LIPI: variants seen among roughly 807,000 people sequenced by gnomAD.
LIPI encodes lipase I, also known as lipase member I.
LIPI carries 59 observed loss-of-function variants against 50.6 expected under a neutral mutation model. The ratio of observed to expected loss-of-function variants is 1.16; its 90% CI spans 0.94 to 1.45. The LOEUF is 1.45. Among genes scored for constraint, LIPI ranks in the 40% most tolerant of loss-of-function variants. LIPI has a pLI of 0.00. For missense variants in LIPI, 586 were observed against 536.3 expected, an observed-to-expected ratio of 1.09 and a Z score of -0.92; for synonymous variants, 203 against 178.2, an observed-to-expected ratio of 1.14 and a Z score of -1.11.
chr21:14,117,016 C>T (rs563296028), intron 9 of LIPI, among the ~76,000 whole-genome samples: 17 of 152,068 alleles, frequency 1.1e-4, no homozygotes, highest in Non-Finnish European at 2.2e-4. Flanking sequence ...GAGAGTACCC[C>T]CCAAACTTCA....
chr21:14,183,037 A>G (rs1344001447), intron 3 of LIPI, among the ~76,000 whole-genome samples: 1 of 152,170 alleles, frequency 6.6e-6, no homozygotes, highest in East Asian at 1.9e-4. Flanking sequence ...AGCCAAAAGA[A>G]CAAAGCTGGA....
intron 4 of LIPI, among the ~76,000 whole-genome samples, chr21:14,175,141 C>T (rs2019050546): frequency 6.6e-6 from 1 of 152,058 alleles, no homozygotes; most frequent in Non-Finnish European, 1.5e-5. Context: ...AAACTATGAA[C>T]ATTTTGAACA....
Position 14,165,264 on chromosome 21 carries a change from A to C in LIPI, c.860T>G (p.Val287Gly). 1 of 1,613,038 alleles carries C rather than the reference A, an allele frequency of 6.2e-7. No homozygotes were observed. The highest frequency in any genetic ancestry group is 8.5e-7 in the Non-Finnish European group (1 of 1,179,200). Residue 287 changes from valine (V) to glycine (G), a missense_variant, in exon 6 of 10, where the codon GTG becomes GGG. Coordinates refer to ENST00000681601, the MANE Select transcript of LIPI (RefSeq NM_001302998.2). ...SYKDYKTSLC[V>G]DCDCFKEKSC... ...TTTTTCCTTAAAACAGTCACAGTCC[A>C]CACATAAGCTAGTCTTGTAATCTTT...
At chr21:14,110,251 A>T (rs137941409) in intron 9 of LIPI, among the ~76,000 whole-genome samples, 109 of 151,900 alleles carry the variant, frequency 7.2e-4, no homozygotes, top group African/African-American at 2.5e-3. Flanking sequence ...AATCTCCCTA[A>T]GGCTTTTGCT....
intron 9 of LIPI, among the ~76,000 whole-genome samples, chr21:14,142,486 T>TA (rs2017747211): frequency 6.9e-6 from 1 of 145,844 alleles, no homozygotes; most frequent in Non-Finnish European, 1.5e-5. Flanking sequence ...TATATATATA[T>TA]TTTGTTGTTG....
chr21:14,109,824 C>G (rs1327732973), intron 9 of LIPI, among the ~76,000 whole-genome samples: 1 of 151,322 alleles, frequency 6.6e-6, no homozygotes, highest in African/African-American at 2.4e-5. Context: ...TTTACCAAAG[C>G]CTTTGAGAAA....
At chr21:14,201,775 C>A (rs1211035392) in intron 1 of LIPI, among the ~76,000 whole-genome samples, 1 of 152,126 alleles carries the variant, frequency 6.6e-6, no homozygotes, top group Admixed American at 6.6e-5. Context: ...AAAACTGGCA[C>A]AAGACAGGGA....
chr21:14,208,135 A>G (rs913859756), intron 1 of LIPI, among the ~76,000 whole-genome samples: 6 of 152,196 alleles, frequency 3.9e-5, no homozygotes, highest in Admixed American at 1.3e-4. Flanking sequence ...AGAGAAAAAT[A>G]ATGATTTTGT....
chr21:14,206,738 C>A, intron 1 of LIPI: 1 of 847,584 alleles, frequency 1.2e-6, no homozygotes, highest in Non-Finnish European at 1.9e-6. Flanking sequence ...CACTTCATGG[C>A]AAGCCCAGTG....
chr21:14,152,028 A>AAG (rs1441275434), intron 8 of LIPI, among the ~76,000 whole-genome samples: 4 of 151,934 alleles, frequency 2.6e-5, no homozygotes, highest in Non-Finnish European at 4.4e-5. Context: ...TGAGAGTCAT[A>AAG]AGAGAGAGAA....
intron 4 of LIPI, among the ~76,000 whole-genome samples, chr21:14,180,054 A>G (rs2019220439): frequency 6.6e-6 from 1 of 152,014 alleles, no homozygotes; most frequent in South Asian, 2.1e-4. Flanking sequence ...CATTCCTGGG[A>G]GGAGATCTAT....
chr21:14,173,064 T>C (rs936468404), intron 4 of LIPI, among the ~76,000 whole-genome samples: 1 of 152,104 alleles, frequency 6.6e-6, no homozygotes, highest in Non-Finnish European at 1.5e-5. Context: ...GTTTAAGTTA[T>C]TTGGTTTAGG....
intron 1 of LIPI, among the ~76,000 whole-genome samples, chr21:14,201,471 A>G (rs938452296): frequency 6.6e-6 from 1 of 152,056 alleles, no homozygotes; most frequent in Admixed American, 6.6e-5. Flanking sequence ...TGAGCACATC[A>G]AGAAGCTTAT....
At chr21:14,143,289 C>T (rs551482716) in intron 9 of LIPI, among the ~76,000 whole-genome samples, 11 of 151,986 alleles carry the variant, frequency 7.2e-5, no homozygotes, top group Non-Finnish European at 8.8e-5. Flanking sequence ...ATGTTCCTGC[C>T]GAAAATGTTC....
At chr21:14,201,066 A>T (rs2123332146) in intron 1 of LIPI, among the ~76,000 whole-genome samples, 1 of 152,196 alleles carries the variant, frequency 6.6e-6, no homozygotes, top group East Asian at 1.9e-4. Context: ...TATGAAGAAG[A>T]TTGAAACTGG....
Position 14,186,183 on chromosome 21 carries a change from TGGGGATATCG to T in LIPI, c.433-124_433-115del. 5 of 723,552 alleles carry T rather than the reference TGGGGATATCG, an allele frequency of 6.9e-6. No individual in the cohort carries two copies. The South Asian group carries it at 7.6e-5, about 11-fold the overall frequency. The allele number at this position is 723,552 out of a possible 1,614,324, so 44.8% of individuals were successfully genotyped here. On this transcript the variant is annotated intron_variant, in intron 2 of 9. Coordinates refer to ENST00000681601, the MANE Select transcript of LIPI (RefSeq NM_001302998.2). ...ATTATTTTTCTGGCTTGATTCATTT[TGGGGATATCG>T]GGAAAGAGACTTTATAATTTCAAGA...
intron 4 of LIPI, among the ~76,000 whole-genome samples, chr21:14,176,263 G>A (rs961536249): frequency 6.6e-6 from 1 of 150,942 alleles, no homozygotes; most frequent in Non-Finnish European, 1.5e-5. Flanking sequence ...GCAAAATTTG[G>A]CTTTTTAAAT....
At chr21:14,199,797 C>G (rs541858848) in intron 1 of LIPI, among the ~76,000 whole-genome samples, 2 of 151,736 alleles carry the variant, frequency 1.3e-5, no homozygotes, top group South Asian at 2.1e-4. Flanking sequence ...GATTTAACAA[C>G]ACCACAAAAA....
chr21:14,146,027 T>C (rs2017891458), intron 8 of LIPI, among the ~76,000 whole-genome samples: 1 of 152,172 alleles, frequency 6.6e-6, no homozygotes, highest in Admixed American at 6.5e-5. Context: ...TCCAAATTTT[T>C]CAGTGATAAT....
Sources: gnomAD v4.1 joint callset for allele counts (sites outside exome capture counted in the v4.1 genomes callset) on GRCh38, gnomAD v4.1.1 for gene constraint, MANE v1.5 for transcripts, NCBI Gene and HGNC (gene_info 2026-07-23, HGNC 2026-07-21) for gene names.